The following DBT variants were observed in gnomAD, a reference collection of about 807,000 sequenced individuals.
DBT encodes the protein lipoamide acyltransferase component of branched-chain alpha-keto acid dehydrogenase complex, mitochondrial.
A neutral mutation model predicts 51.3 loss-of-function variants in DBT; 40 were observed. That is an observed-to-expected ratio of 0.78 (90% confidence interval 0.61 to 1.02). DBT has a LOEUF of 1.02. Among genes scored for constraint, DBT ranks in the 50% least tolerant of loss-of-function variants. The pLI is 0.00. For synonymous variants in DBT, 181 were observed against 190.4 expected (o/e 0.95, Z 0.41); for missense variants, 510 against 580.2 (o/e 0.88, Z 1.24).
At position 100,249,792 on chromosome 1, in the gene DBT, C is replaced by T. The variant is rs572340170; in HGVS notation, c.29G>A (p.Trp10Ter). 6.2e-7 allele frequency: 1 copy of T among 1,614,222 alleles called. No individual in the cohort carries two copies. The highest frequency in any genetic ancestry group is 8.5e-7 in the Non-Finnish European group (1 of 1,180,024). The change falls in exon 1 of 11, where the codon TGG becomes TAG. Residue 10 changes from tryptophan (W) to a stop codon, truncating the protein, a stop_gained. Transcript: ENST00000370132. LOFTEE classifies it high-confidence loss of function. The stretch of plus-strand genomic sequence containing the variant: ...TACCAGCTTCCCCGCATTCCTGCTC[C>T]AGGTTCTCAGCATACGGACTGCAGC... MAAVRMLRT[W>*]SRNAGKLICV...
intron 4 of DBT, among the ~76,000 whole-genome samples, chr1:100,219,343 C>G (rs1662701230): frequency 6.6e-6 from 1 of 151,312 alleles, no homozygotes; most frequent in South Asian, 2.1e-4. Flanking sequence ...CAGTGAGACC[C>G]TGTCTCAAAA....
intron 10 of DBT, among the ~76,000 whole-genome samples, chr1:100,202,249 C>T (rs1180477631): frequency 5.3e-5 from 8 of 151,996 alleles, no homozygotes; most frequent in Non-Finnish European, 1.2e-4. Context: ...AAAGAAAAAG[C>T]AGGGGTTGCA....
At chr1:100,213,220 C>A (rs1390991567) in intron 7 of DBT, 6 of 860,362 alleles carry the variant, frequency 7.0e-6, no homozygotes, top group Non-Finnish European at 6.3e-6. Context: ...CCGCGTCTGC[C>A]TCAGAGGGGC....
At chr1:100,225,393 T>C (rs1053784282) in intron 4 of DBT, among the ~76,000 whole-genome samples, 2 of 152,100 alleles carry the variant, frequency 1.3e-5, no homozygotes, top group East Asian at 3.8e-4. Context: ...TATCATGTTA[T>C]AGAGAATATT....
rs1476526155 is a variant in DBT, at chr1:100,194,366, G to A, written c.*1889C>T. ...TTTTTTTTTTTTTCTGAGACAAAGT[G>A]TTGCTCTGCCACCCAGGCTGGAGTG... On this transcript the variant is annotated 3_prime_UTR_variant, in exon 11 of 11. Transcript: ENST00000370132. 6.7e-6 allele frequency: 1 copy of A among 149,840 alleles called. No homozygotes were observed. The highest frequency in any genetic ancestry group is 1.5e-5 in the Non-Finnish European group (1 of 67,668). 9.3% of individuals were successfully genotyped at this position (149,840 alleles called of 1,614,324 possible).
At chr1:100,215,012 A>G (rs747185291) in intron 6 of DBT, 29 bp from the exon 7 acceptor site, 1 of 1,488,294 alleles carries the variant, frequency 6.7e-7, no homozygotes, top group East Asian at 2.3e-5. Context: ...TTATTCATTT[A>G]TTTAAATTCT....
intron 2 of DBT, among the ~76,000 whole-genome samples, chr1:100,238,314 C>A (rs1664010322): frequency 8.4e-6 from 1 of 118,758 alleles, no homozygotes; most frequent in South Asian, 3.6e-4. Context: ...CTCTAGGTTT[C>A]TAGCTTCCCT....
chr1:100,244,006 T>G (rs1414358490), intron 1 of DBT, among the ~76,000 whole-genome samples: 1 of 146,042 alleles, frequency 6.8e-6, no homozygotes, highest in Non-Finnish European at 1.5e-5. Context: ...GGCACAGTGG[T>G]TCATAGCTGT....
At chr1:100,225,083 A>C (rs1663110530) in intron 4 of DBT, among the ~76,000 whole-genome samples, 1 of 145,702 alleles carries the variant, frequency 6.9e-6, no homozygotes. Context: ...ACACACACAC[A>C]CACACACACA....
chr1:100,198,739 C>T (rs1223523959), intron 10 of DBT, among the ~76,000 whole-genome samples: 1 of 152,014 alleles, frequency 6.6e-6, no homozygotes. Flanking sequence ...TTTTTTCTCC[C>T]TATCTCCTCT....
intron 2 of DBT, among the ~76,000 whole-genome samples, chr1:100,238,556 C>T (rs1664034627): frequency 6.6e-6 from 1 of 151,776 alleles, no homozygotes; most frequent in Admixed American, 6.6e-5. Context: ...AGGGCAGTGG[C>T]ATGATCACAG....
At position 100,187,089 on chromosome 1, in the gene DBT, G is replaced by A. The variant is rs1660599216; in HGVS notation, c.*9166C>T. ...CAAGTAAACAAAACACAACTTCTCT[G>A]ATGAATGAAGTGGTTACCATATTTT... On this transcript the variant is annotated 3_prime_UTR_variant, in exon 11 of 11. Coordinates refer to ENST00000370132, the MANE Select transcript of DBT (RefSeq NM_001918.5). The A allele has an allele frequency of 6.6e-6, 1 of 152,188 alleles. No homozygotes were observed. The highest frequency in any genetic ancestry group is 2.4e-5 in the African/African-American group (1 of 41,442). The allele number at this position is 152,188 out of a possible 1,614,324, so 9.4% of individuals were successfully genotyped here.
intron 10 of DBT, among the ~76,000 whole-genome samples, chr1:100,199,955 C>T (rs1661344364): frequency 6.6e-6 from 1 of 152,078 alleles, no homozygotes; most frequent in African/African-American, 2.4e-5. Context: ...GAGTTTCAAG[C>T]ACAAAACTGG....
At chr1:100,203,039 T>C (rs1300152815) in intron 10 of DBT, among the ~76,000 whole-genome samples, 1 of 151,710 alleles carries the variant, frequency 6.6e-6, no homozygotes, top group Non-Finnish European at 1.5e-5. Context: ...TTAAAAGAAC[T>C]AGAGAAGCAA....
rs758699159 is a variant in DBT, at chr1:100,195,016, A to C, written c.*1239T>G. 2.6e-5 allele frequency: 4 copies of C among 152,168 alleles called. No homozygotes were observed. The highest frequency in any genetic ancestry group is 4.4e-5 in the Non-Finnish European group (3 of 68,018). The allele number at this position is 152,168 out of a possible 1,614,324, so 9.4% of individuals were successfully genotyped here. A position where few individuals can be genotyped will look rare whatever the true frequency, so the allele number is the denominator to read the frequency against. On this transcript the variant is annotated 3_prime_UTR_variant, in exon 11 of 11. Coordinates refer to ENST00000370132, the MANE Select transcript of DBT (RefSeq NM_001918.5). ...CCTTTAACAAAATGATCATTATGAAACCTTCATTTCTATACAAAATTTCTT... is the reference window on the plus strand; with the variant it reads ...CCTTTAACAAAATGATCATTATGAACCCTTCATTTCTATACAAAATTTCTT...
At chr1:100,232,056 A>G (rs902119592) in intron 3 of DBT, among the ~76,000 whole-genome samples, 1 of 152,190 alleles carries the variant, frequency 6.6e-6, no homozygotes, top group Non-Finnish European at 1.5e-5. Context: ...TCTGTTTTAA[A>G]CTTTCAGTAT....
At chr1:100,240,232 T>C (rs1405044321) in intron 2 of DBT, among the ~76,000 whole-genome samples, 9 of 152,192 alleles carry the variant, frequency 5.9e-5, no homozygotes, top group African/African-American at 1.4e-4. Context: ...AATACCACAA[T>C]GTGTATGCCA....
rs930217757 is a variant in DBT, at chr1:100,226,280, T to C, written c.433+4453A>G. Among the ~76,000 whole-genome samples the C allele has an allele frequency of 4.0e-5, 5 of 125,380 alleles. No individual in the cohort carries two copies. In the Admixed American group the frequency reaches 5.5e-4, roughly 14 times the overall value. The allele number at this position is 125,380 out of a possible 152,430, so 82.3% of individuals were successfully genotyped here. A position where few individuals can be genotyped will look rare whatever the true frequency, so the allele number is the denominator to read the frequency against. Reference sequence around the variant, plus strand: ...TTTTTCTTTAAATTTTTCTAAATTATGCCTTTTTTTTTTTTTTTTTTTTGA... The same window carrying C: ...TTTTTCTTTAAATTTTTCTAAATTACGCCTTTTTTTTTTTTTTTTTTTTGA... On this transcript the variant is annotated intron_variant, in intron 4 of 10. Transcript: ENST00000370132.
chr1:100,209,851 C>T (rs950594106), intron 8 of DBT, among the ~76,000 whole-genome samples: 3 of 152,120 alleles, frequency 2.0e-5, no homozygotes, highest in Non-Finnish European at 4.4e-5. Flanking sequence ...CGTGAGCCAC[C>T]GTGCCCAGCC....
Sources: gnomAD v4.1 joint callset for allele counts (sites outside exome capture counted in the v4.1 genomes callset) on GRCh38, gnomAD v4.1.1 for gene constraint, MANE v1.5 for transcripts, NCBI Gene and HGNC (gene_info 2026-07-23, HGNC 2026-07-21) for gene names.